The following NRG1 variants were observed in gnomAD, a reference collection of about 807,000 sequenced individuals.
NRG1 encodes pro-neuregulin-1, membrane-bound isoform.
Under a neutral mutation model 63.8 loss-of-function variants are expected in NRG1, and 18 were observed. That is an observed-to-expected ratio of 0.28 (90% CI 0.19 to 0.42). The LOEUF is 0.42. Ranked by LOEUF, NRG1 falls within the 10% of genes least tolerant of loss-of-function variation. The probability of loss-of-function intolerance (pLI) is 1.00; values close to 1 mark genes in which losing one functional copy is unlikely to be tolerated. For missense variants in NRG1, 762 were observed against 814.7 expected, an observed-to-expected ratio of 0.94 and a Z score of 0.79; for synonymous variants, 302 against 301.3, an observed-to-expected ratio of 1.00 and a Z score of -0.02.
intron 1 of NRG1, among the ~76,000 whole-genome samples, chr8:31,972,982 C>T (rs545980640): frequency 5.6e-4 from 85 of 152,300 alleles, no homozygotes; most frequent in African/African-American, 1.9e-3. Flanking sequence ...AAAGTGATTA[C>T]ACTGTATGTA....
intron 1 of NRG1, among the ~76,000 whole-genome samples, chr8:32,007,759 A>G (rs1352087490): frequency 2.0e-5 from 3 of 152,008 alleles, no homozygotes; most frequent in Non-Finnish European, 2.9e-5. Context: ...CTGTGTTTTC[A>G]GTGTACTACC....
At chr8:32,734,634 G>T (rs1322699961) in intron 6 of NRG1, among the ~76,000 whole-genome samples, 1 of 152,170 alleles carries the variant, frequency 6.6e-6, no homozygotes, top group East Asian at 1.9e-4. Flanking sequence ...AGACGACTGT[G>T]TCCTCTATTT....
At chr8:32,488,010 CTG>C (rs1226214511) in intron 1 of NRG1, among the ~76,000 whole-genome samples, 1 of 152,174 alleles carries the variant, frequency 6.6e-6, no homozygotes, top group Non-Finnish European at 1.5e-5. Context: ...TTTCTGGAGA[CTG>C]TGGTTTCTTA....
chr8:32,669,578 G>T (rs767429378), intron 5 of NRG1, among the ~76,000 whole-genome samples: 2 of 152,176 alleles, frequency 1.3e-5, no homozygotes, highest in Admixed American at 1.3e-4. Flanking sequence ...CTGGCGTTTG[G>T]AGTTCAGCAA....
chr8:32,738,888 G>A (rs2129034418), intron 6 of NRG1, among the ~76,000 whole-genome samples: 1 of 152,298 alleles, frequency 6.6e-6, no homozygotes, highest in South Asian at 2.1e-4. Flanking sequence ...GGCACTTGCA[G>A]TTTGTTTTAC....
intron 1 of NRG1, among the ~76,000 whole-genome samples, chr8:31,766,646 A>T (rs1818092472): frequency 6.6e-6 from 1 of 152,082 alleles, no homozygotes; most frequent in Non-Finnish European, 1.5e-5. Context: ...TGTCCAATTC[A>T]TTTTTGGTGA....
intron 1 of NRG1, among the ~76,000 whole-genome samples, chr8:31,861,046 A>G (rs935282300): frequency 6.6e-6 from 1 of 152,192 alleles, no homozygotes; most frequent in African/African-American, 2.4e-5. Context: ...TAGTGATACG[A>G]AAGTGACCAC....
chr8:31,739,043 CGTATGTGTAT>C (rs1563345664), intron 1 of NRG1, among the ~76,000 whole-genome samples: 1 of 152,004 alleles, frequency 6.6e-6, no homozygotes, highest in Non-Finnish European at 1.5e-5. Flanking sequence ...GTGGTGTGCA[CGTATGTGTAT>C]GTGTTTGTAA....
At chr8:32,606,559 T>C (rs1563753569) in intron 3 of NRG1, among the ~76,000 whole-genome samples, 1 of 152,114 alleles carries the variant, frequency 6.6e-6, no homozygotes. Flanking sequence ...TACTCCATGA[T>C]TTGATGGAAT....
intron 1 of NRG1, among the ~76,000 whole-genome samples, chr8:31,698,658 A>G (rs753180045): frequency 5.3e-5 from 8 of 152,192 alleles, no homozygotes; most frequent in East Asian, 1.9e-4. Flanking sequence ...GGTTATTAGC[A>G]TGGGTCTTTG....
chr8:32,078,095 C>T lies in NRG1; in HGVS notation c.37+438664C>T, dbSNP rs539456162. On this transcript the variant is annotated intron_variant, in intron 1 of 10. Transcript: ENST00000519301. ...TAAAACAACTTCACATCCTCCTAAG[C>T]AAGTGATCGAGTTTAGATATTTGTC... 4.9e-4 allele frequency among the ~76,000 whole-genome samples: 74 copies of T among 152,308 alleles called. No individual in the cohort carries two copies. In the South Asian group the frequency reaches 6.2e-3, roughly 13 times the overall value.
intron 1 of NRG1, among the ~76,000 whole-genome samples, chr8:32,225,631 A>T (rs143704393): frequency 6.6e-6 from 1 of 152,276 alleles, no homozygotes; most frequent in African/African-American, 2.4e-5. Context: ...CCCAATCCTT[A>T]TATCAATATC....
At chr8:31,742,343 T>C (rs1012810439) in intron 1 of NRG1, among the ~76,000 whole-genome samples, 1 of 151,834 alleles carries the variant, frequency 6.6e-6, no homozygotes, top group Non-Finnish European at 1.5e-5. Context: ...GAACATATTA[T>C]TGTTCTTCAA....
intron 1 of NRG1, among the ~76,000 whole-genome samples, chr8:31,914,738 A>G (rs1274467640): frequency 6.6e-6 from 1 of 152,110 alleles, no homozygotes; most frequent in Non-Finnish European, 1.5e-5. Context: ...GAATTATCAA[A>G]TAATCTTTTT....
intron 1 of NRG1, among the ~76,000 whole-genome samples, chr8:32,416,301 T>TCCTC (rs71281726): frequency 0.055 from 7,787 of 141,952 alleles, 262 homozygotes; most frequent in Middle Eastern, 0.094. Context: ...TCACCTTCCT[T>TCCTC]CCTCCCTCCC....
chr8:31,775,170 A>G (rs1818999251), intron 1 of NRG1, among the ~76,000 whole-genome samples: 1 of 152,262 alleles, frequency 6.6e-6, no homozygotes, highest in Non-Finnish European at 1.5e-5. Context: ...ACTATTCACA[A>G]TAGCAAAGTC....
At chr8:32,413,494 A>G (rs538293307) in intron 1 of NRG1, among the ~76,000 whole-genome samples, 1 of 152,312 alleles carries the variant, frequency 6.6e-6, no homozygotes, top group Non-Finnish European at 1.5e-5. Context: ...AGGAGATTAG[A>G]TAAAAACTAA....
At chr8:32,031,450 G>T (rs973919862) in intron 1 of NRG1, among the ~76,000 whole-genome samples, 1 of 152,006 alleles carries the variant, frequency 6.6e-6, no homozygotes, top group Non-Finnish European at 1.5e-5. Context: ...TGCCCTCCCC[G>T]CACGGGCAGC....
At chr8:31,889,288 G>C (rs1830963891) in intron 1 of NRG1, among the ~76,000 whole-genome samples, 1 of 152,048 alleles carries the variant, frequency 6.6e-6, no homozygotes, top group African/African-American at 2.4e-5. Context: ...CCTTTTCTAA[G>C]ATTATTTCGT....
Sources: allele counts gnomAD v4.1 joint callset (sites outside exome capture counted in the v4.1 genomes callset), GRCh38; gene constraint gnomAD v4.1.1; transcripts MANE v1.5; gene names NCBI Gene and HGNC (gene_info 2026-07-23, HGNC 2026-07-21).